TENT2: variants seen among roughly 807,000 people sequenced by gnomAD.
TENT2 encodes the protein poly(A) RNA polymerase GLD2.
Under a neutral mutation model 72.2 loss-of-function variants are expected in TENT2, and 44 were observed. The observed-to-expected ratio is 0.61, with a 90% CI of 0.48 to 0.78. TENT2 has a LOEUF of 0.78. Ranked by LOEUF, TENT2 falls within the 30% of genes least tolerant of loss-of-function variation. The pLI is 0.00. For missense variants in TENT2, 541 were observed against 569.6 expected (o/e 0.95, Z 0.51); for synonymous variants, 212 against 192.5 (o/e 1.10, Z -0.84).
chr5:79,618,560 G>T (rs139143050), intron 1 of TENT2, among the ~76,000 whole-genome samples: 1 of 151,842 alleles, frequency 6.6e-6, no homozygotes, highest in East Asian at 1.9e-4. Flanking sequence ...GCATATTCTT[G>T]TTTTATATAT....
intron 10 of TENT2, among the ~76,000 whole-genome samples, chr5:79,650,652 G>A (rs1793146097): frequency 6.6e-6 from 1 of 152,082 alleles, no homozygotes; most frequent in Admixed American, 6.6e-5. Flanking sequence ...TGCCCTTATA[G>A]CTGTGTTTCT....
intron 3 of TENT2, among the ~76,000 whole-genome samples, chr5:79,622,659 C>T (rs2149991188): frequency 6.6e-6 from 1 of 152,250 alleles, no homozygotes; most frequent in Middle Eastern, 3.4e-3. Context: ...GCTTATTCCT[C>T]CTACAAAACA....
chr5:79,644,448 TATG>T (rs1787122420), intron 7 of TENT2, among the ~76,000 whole-genome samples: 2 of 152,214 alleles, frequency 1.3e-5, no homozygotes, highest in Admixed American at 1.3e-4. Context: ...CCTAATTTTC[TATG>T]ATAAGTATAT....
intron 10 of TENT2, 22 bp downstream of exon 10, chr5:79,649,212 C>G (rs1791585228): frequency 6.2e-7 from 1 of 1,600,890 alleles, no homozygotes; most frequent in Non-Finnish European, 8.5e-7. Flanking sequence ...GGGGTTTTAC[C>G]CAATTTTTAA....
chr5:79,642,624 A>G (rs1394331852), intron 6 of TENT2, among the ~76,000 whole-genome samples: 2 of 152,104 alleles, frequency 1.3e-5, no homozygotes, highest in South Asian at 2.1e-4. Context: ...TCAGGAATTG[A>G]TTTAGAAATG....
chr5:79,630,261 T>C (rs1774209234), intron 4 of TENT2, among the ~76,000 whole-genome samples: 1 of 152,024 alleles, frequency 6.6e-6, no homozygotes, highest in South Asian at 2.1e-4. Flanking sequence ...AGGCAGTATT[T>C]GAGTTGAGAT....
chr5:79,623,037 C>T (rs927855741), intron 3 of TENT2, among the ~76,000 whole-genome samples: 1 of 148,718 alleles, frequency 6.7e-6, no homozygotes, highest in African/African-American at 2.6e-5. Context: ...GTAGTTTTTT[C>T]TGTCTCCATT....
chr5:79,635,136 C>T (rs1779039462), intron 4 of TENT2, among the ~76,000 whole-genome samples: 1 of 152,080 alleles, frequency 6.6e-6, no homozygotes, highest in Non-Finnish European at 1.5e-5. Context: ...TTATACATTC[C>T]TCCTCTCTAT....
At chr5:79,682,156 CTTCT>C in intron 14 of TENT2, 95 bp downstream of exon 14, 2 of 766,586 alleles carry the variant, frequency 2.6e-6, no homozygotes, top group South Asian at 2.1e-5. Context: ...AATGGTTTCT[CTTCT>C]GTGAATCCAT....
Position 79,635,208 on chromosome 5 carries a change from C to T in TENT2, c.466-5643C>T, listed in dbSNP as rs531806686. On this transcript the variant is annotated intron_variant, in intron 4 of 14. Coordinates refer to ENST00000453514, the MANE Select transcript of TENT2 (RefSeq NM_001114394.3). Reference sequence around the variant, plus strand: ...GGAATATTTCTCTAAATTAAAGCACCAGAAATGTTGTTTCAACATATATGT... The same window carrying T: ...GGAATATTTCTCTAAATTAAAGCACTAGAAATGTTGTTTCAACATATATGT... Among the ~76,000 whole-genome samples, 9 of 152,132 alleles carry T rather than the reference C, an allele frequency of 5.9e-5. No homozygotes were observed. In the South Asian group the frequency reaches 1.9e-3, roughly 32 times the overall value.
intron 10 of TENT2, among the ~76,000 whole-genome samples, chr5:79,649,438 G>C (rs1474854860): frequency 7.1e-6 from 1 of 140,074 alleles, no homozygotes; most frequent in Non-Finnish European, 1.5e-5. Context: ...TGTTTTCAAA[G>C]AACTTTCACC....
At chr5:79,656,154 TAC>T (rs1797811854) in intron 10 of TENT2, among the ~76,000 whole-genome samples, 2 of 151,992 alleles carry the variant, frequency 1.3e-5, no homozygotes, top group African/African-American at 2.4e-5. Context: ...CATTATATTT[TAC>T]AGTTATTTCT....
chr5:79,639,327 G>A (rs1261746544), intron 4 of TENT2, among the ~76,000 whole-genome samples: 2 of 152,128 alleles, frequency 1.3e-5, no homozygotes, highest in African/African-American at 4.8e-5. Flanking sequence ...AAAAACAGAA[G>A]TGATATCTAA....
chr5:79,655,234 G>C (rs1341046386), intron 10 of TENT2, among the ~76,000 whole-genome samples: 2 of 152,018 alleles, frequency 1.3e-5, no homozygotes, highest in Admixed American at 6.6e-5. Flanking sequence ...CTGATGACTA[G>C]TGTTTATAAA....
chr5:79,631,623 A>G lies in TENT2; in HGVS notation c.465+8134A>G, dbSNP rs528065253. ...CAAATGCAAACTAAGATTATACACA[A>G]CTGTTTTGGGACATTTGGCAGTGAA... On this transcript the variant is annotated intron_variant, in intron 4 of 14. Transcript: ENST00000453514. 4.1e-4 allele frequency among the ~76,000 whole-genome samples: 63 copies of G among 152,332 alleles called. 1 individual carries two copies. In the South Asian group the frequency reaches 0.012, roughly 29 times the overall value.
intron 3 of TENT2, among the ~76,000 whole-genome samples, chr5:79,620,782 C>G (rs1764145285): frequency 6.6e-6 from 1 of 152,120 alleles, no homozygotes; most frequent in African/African-American, 2.4e-5. Context: ...TAGGGGGACA[C>G]AATTATAGCA....
At chr5:79,656,916 G>A (rs759409723) in intron 10 of TENT2, 42 bp from the exon 11 acceptor site, 3 of 1,488,042 alleles carry the variant, frequency 2.0e-6, no homozygotes, top group East Asian at 2.3e-5. Context: ...TGTAAAATGA[G>A]TCACGTGAAT....
chr5:79,673,149 T>C (rs577244432), intron 12 of TENT2, among the ~76,000 whole-genome samples: 1 of 152,358 alleles, frequency 6.6e-6, no homozygotes, highest in African/African-American at 2.4e-5. Context: ...TTATTAGATT[T>C]TTTCCTATAG....
intron 1 of TENT2, among the ~76,000 whole-genome samples, chr5:79,615,460 A>T (rs1011430861): frequency 1.4e-4 from 21 of 152,260 alleles, no homozygotes; most frequent in African/African-American, 4.3e-4. Context: ...TTCTGAATAC[A>T]TATTTCTTCC....
Sources: allele counts gnomAD v4.1 joint callset (sites outside exome capture counted in the v4.1 genomes callset), GRCh38; gene constraint gnomAD v4.1.1; transcripts MANE v1.5; gene names NCBI Gene and HGNC (gene_info 2026-07-23, HGNC 2026-07-21).